PHF6: variants seen among roughly 807,000 people sequenced by gnomAD.
The protein encoded by PHF6 is PHD-like zinc finger protein.
A neutral mutation model predicts 34.0 loss-of-function variants in PHF6; 7 were observed. That is an observed-to-expected ratio of 0.21 (90% CI 0.12 to 0.39). PHF6 has a LOEUF of 0.39. Ranked by LOEUF, PHF6 falls within the 10% of genes least tolerant of loss-of-function variation. PHF6 has a pLI of 1.00. For missense variants in PHF6, 128 were observed against 262.8 expected (o/e 0.49, Z 3.55); for synonymous variants, 89 against 88.4 (o/e 1.01, Z -0.04).
intron 4 of PHF6, 71 bp from the exon 5 acceptor site, chrX:134,393,838 C>T (rs1009324948): frequency 1.2e-5 from 12 of 1,012,870 alleles, no homozygotes; most frequent in Admixed American, 2.2e-5. Context: ...GTGTACTGCT[C>T]GTTTTCTTAA....
rs752171912 is a variant in PHF6, at chrX:134,393,670, A to G, written c.374+36A>G. On this transcript the variant is annotated intron_variant, in intron 4 of 10. Transcript: ENST00000370803. ...AACTTCTCTTTAAGTTTTTTTTTTA[A>G]CAATAATACTTTCTTTGGGCTTTTG... 4 of 1,134,373 alleles carry G rather than the reference A, an allele frequency of 3.5e-6. No individual in the cohort carries two copies. In the East Asian group the frequency reaches 1.2e-4, roughly 35 times the overall value. 93.5% of individuals were successfully genotyped at this position (1,134,373 alleles called of 1,213,427 possible).
chrX:134,387,012 T>G (rs1235111092), intron 3 of PHF6, among the ~76,000 whole-genome samples: 2 of 112,027 alleles, frequency 1.8e-5, no homozygotes, highest in Admixed American at 9.5e-5. Flanking sequence ...ATTTATTCAG[T>G]GGCCTCATTG....
At chrX:134,400,496 G>C (rs921584738) in intron 5 of PHF6, among the ~76,000 whole-genome samples, 1 of 106,165 alleles carries the variant, frequency 9.4e-6, no homozygotes, top group African/African-American at 3.5e-5. Flanking sequence ...AAGGAAAAAG[G>C]ATTCAGCACC....
intron 5 of PHF6, among the ~76,000 whole-genome samples, chrX:134,397,267 G>C (rs1200659974): frequency 1.8e-5 from 2 of 112,242 alleles, no homozygotes; most frequent in Non-Finnish European, 3.8e-5. Context: ...TAGGTTATTA[G>C]AATGCCCGTC....
intron 8 of PHF6, 115 bp from the exon 9 acceptor site, chrX:134,417,054 G>C (rs1220545376): frequency 1.3e-5 from 10 of 793,929 alleles, no homozygotes; most frequent in Non-Finnish European, 1.7e-5. Flanking sequence ...GGTTTAAGTT[G>C]CAGCATTATT....
intron 2 of PHF6, 77 bp downstream of exon 2, chrX:134,377,832 T>TA (rs367819775): frequency 0.062 from 42,622 of 683,779 alleles, 6 homozygotes; most frequent in Non-Finnish European, 0.068. Context: ...TCCTGAATAC[T>TA]AAAAAAAAAA....
chrX:134,415,280 G>T (rs1357953783), intron 8 of PHF6, 160 bp downstream of exon 8: 13 of 882,901 alleles, frequency 1.5e-5, no homozygotes, highest in Non-Finnish European at 2.1e-5. Flanking sequence ...AAAGGATGCT[G>T]ATGTTACTGA....
chrX:134,417,138 G>A (rs371036912), intron 8 of PHF6, 31 bp from the exon 9 acceptor site: 25 of 1,205,927 alleles, frequency 2.1e-5, no homozygotes, highest in East Asian at 1.2e-4. Flanking sequence ...CTTGAAATAC[G>A]GCTTACGATT....
chrX:134,406,062 T>TTCTC (rs1556017614), intron 5 of PHF6, among the ~76,000 whole-genome samples: 4 of 78,076 alleles, frequency 5.1e-5, no homozygotes, highest in East Asian at 4.4e-4. Context: ...TCCTTTTTCT[T>TTCTC]TTTCTTTCTT....
At chrX:134,409,425 T>C (rs2077439987) in intron 5 of PHF6, among the ~76,000 whole-genome samples, 1 of 111,673 alleles carries the variant, frequency 9.0e-6, no homozygotes, top group Non-Finnish European at 1.9e-5. Context: ...TATTTTGATA[T>C]CTTCTTTTCA....
chrX:134,381,378 A>C (rs1378353931), intron 3 of PHF6, among the ~76,000 whole-genome samples: 1 of 111,583 alleles, frequency 9.0e-6, no homozygotes, highest in Non-Finnish European at 1.9e-5. Context: ...TCCCTGTGTC[A>C]ATTTGTCTAA....
chrX:134,427,490 ATT>A lies in PHF6; in HGVS notation c.*1839_*1840del. 2.7e-5 allele frequency: 4 copies of A among 149,389 alleles called. No homozygotes were observed. The highest frequency in any genetic ancestry group is 2.6e-5 in the Non-Finnish European group (2 of 76,394). 12.3% of individuals were successfully genotyped at this position (149,389 alleles called of 1,213,427 possible). ...TCATTTTTGGACAACTACTGTAATC[ATT>A]TTTTTTTTAGGAAAAATGGAAGGTG... On this transcript the variant is annotated 3_prime_UTR_variant, in exon 11 of 11. Coordinates refer to ENST00000370803, the MANE Select transcript of PHF6 (RefSeq NM_001015877.2).
intron 5 of PHF6, among the ~76,000 whole-genome samples, chrX:134,395,381 A>G (rs1031010897): frequency 2.7e-5 from 3 of 112,251 alleles, no homozygotes; most frequent in Non-Finnish European, 5.6e-5. Flanking sequence ...TTTATATAAA[A>G]CCAGGTTAGT....
At chrX:134,421,288 T>C (rs990094262) in intron 9 of PHF6, among the ~76,000 whole-genome samples, 4 of 109,139 alleles carry the variant, frequency 3.7e-5, no homozygotes, top group Admixed American at 2.0e-4. Context: ...CTTCCACATA[T>C]GTGTGTGTAT....
rs970048037 is a variant in PHF6, at chrX:134,400,656, G to A, written c.418+6704G>A. ...GTTGGAAGCTGAAGGAAAGAGAACC[G>A]TTTGAAAGAATAGCTCTGAAGACTG... is the stretch of plus-strand genomic sequence containing the variant. On this transcript the variant is annotated intron_variant, in intron 5 of 10. Coordinates refer to ENST00000370803, the MANE Select transcript of PHF6 (RefSeq NM_001015877.2). Among the ~76,000 whole-genome samples the A allele has an allele frequency of 4.5e-5, 5 of 110,631 alleles. No homozygotes were observed. The East Asian group carries it at 8.5e-4, about 19-fold the overall frequency.
At position 134,377,814 on chromosome X, in the gene PHF6, A is replaced by G. The variant is rs902838246; in HGVS notation, c.138+59A>G. 39 of 1,123,930 alleles carry G rather than the reference A, an allele frequency of 3.5e-5. 1 individual carries two copies. Among genetic ancestry groups the G allele is most frequent in the Non-Finnish European group, 4.0e-5 (33 of 820,859 alleles). The allele number at this position is 1,123,930 out of a possible 1,213,427, so 92.6% of individuals were successfully genotyped here. A position where few individuals can be genotyped will look rare whatever the true frequency, so the allele number is the denominator to read the frequency against. On this transcript the variant is annotated intron_variant, in intron 2 of 10. Coordinates refer to ENST00000370803, the MANE Select transcript of PHF6 (RefSeq NM_001015877.2). ...CGATTCATGAGACTCTTAATAACACATGAATGTTCCTGAATACTAAAAAAA... is the reference window on the plus strand; with the variant it reads ...CGATTCATGAGACTCTTAATAACACGTGAATGTTCCTGAATACTAAAAAAA...
Position 134,426,649 on chromosome X carries a change from A to G in PHF6, c.*989A>G. ...AATGTTTTCAGTCATTGCTTTGGTT[A>G]TCTATAAAATAGGCTTTTGTGCCCT... is the stretch of plus-strand genomic sequence containing the variant. On this transcript the variant is annotated 3_prime_UTR_variant, in exon 11 of 11. Coordinates refer to ENST00000370803, the MANE Select transcript of PHF6 (RefSeq NM_001015877.2). 1.9e-5 allele frequency: 3 copies of G among 161,135 alleles called. No homozygotes were observed. Among genetic ancestry groups the G allele is most frequent in the Non-Finnish European group, 3.6e-5 (3 of 82,332 alleles). The allele number at this position is 161,135 out of a possible 1,213,427, so 13.3% of individuals were successfully genotyped here. A position where few individuals can be genotyped will look rare whatever the true frequency, so the allele number is the denominator to read the frequency against.
chrX:134,386,681 G>C (rs1213334500), intron 3 of PHF6, among the ~76,000 whole-genome samples: 1 of 111,630 alleles, frequency 9.0e-6, no homozygotes, highest in Non-Finnish European at 1.9e-5. Flanking sequence ...CTCCCAAAGT[G>C]CTGGGATTAC....
intron 5 of PHF6, among the ~76,000 whole-genome samples, chrX:134,411,179 C>T (rs990130916): frequency 1.8e-5 from 2 of 110,549 alleles, no homozygotes; most frequent in Admixed American, 9.7e-5. Flanking sequence ...CTCGAATTCC[C>T]GACCTCAGGT....
Sources: allele counts gnomAD v4.1 joint callset (sites outside exome capture counted in the v4.1 genomes callset), GRCh38; gene constraint gnomAD v4.1.1; transcripts MANE v1.5; gene names NCBI Gene and HGNC (gene_info 2026-07-23, HGNC 2026-07-21).